OSBPL1A: variants seen among roughly 807,000 people sequenced by gnomAD.
OSBPL1A encodes oxysterol-binding protein-related protein 1.
In OSBPL1A, 80 loss-of-function variants were observed where a neutral mutation model predicts 137.1. That is an observed-to-expected ratio of 0.58 (90% confidence interval 0.49 to 0.70). The LOEUF is 0.70. Ranked by LOEUF, OSBPL1A falls within the 30% of genes least tolerant of loss-of-function variation. The pLI, the probability that OSBPL1A is intolerant of heterozygous loss-of-function variation, is 0.00. For synonymous variants in OSBPL1A, 365 were observed against 389.7 expected (o/e 0.94, Z 0.75); for missense variants, 970 against 1,129.4 (o/e 0.86, Z 2.02).
intron 5 of OSBPL1A, among the ~76,000 whole-genome samples, chr18:24,335,412 G>C (rs1373093201): frequency 6.6e-6 from 1 of 152,178 alleles, no homozygotes; most frequent in African/African-American, 2.4e-5. Context: ...AAGCAGGCTA[G>C]TTCCAGAGTC....
At chr18:24,315,885 T>C (rs540434885) in intron 11 of OSBPL1A, among the ~76,000 whole-genome samples, 1 of 129,206 alleles carries the variant, frequency 7.7e-6, no homozygotes, top group Non-Finnish European at 1.6e-5. Flanking sequence ...TATAATAAAA[T>C]ATATTAAAGA....
In OSBPL1A at chr18:24,170,354, A is replaced by T; in HGVS notation, c.2391T>A (p.Asn797Lys). 6.2e-7 allele frequency: 1 copy of T among 1,613,958 alleles called. No homozygotes were observed. The highest frequency in any genetic ancestry group is 1.3e-5 in the African/African-American group (1 of 74,974). Reference sequence around the variant, plus strand: ...GTTTGCTGTTCTTCTTCTCTTCTGTATTTTTCTTATCATTTTTTTTGTAAG... The same window carrying T: ...GTTTGCTGTTCTTCTTCTCTTCTGTTTTTTTCTTATCATTTTTTTTGTAAG... The part of the protein sequence containing the change: ...FDAYKKNDKK[N>K]TEEKKNSKQM... The change falls in exon 24 of 28, where the codon AAT becomes AAA. Residue 797 changes from asparagine to lysine, a missense_variant. Around this residue, in one of 2 missense-constraint regions of OSBPL1A, gnomAD observed 323 missense variants for 456.8 expected, o/e 0.71. Coordinates refer to ENST00000319481, the MANE Select transcript of OSBPL1A (RefSeq NM_080597.4).
chr18:24,191,554 T>C (rs2086893062), intron 18 of OSBPL1A, among the ~76,000 whole-genome samples: 1 of 152,248 alleles, frequency 6.6e-6, no homozygotes, highest in South Asian at 2.1e-4. Flanking sequence ...TTGTTAATAT[T>C]TTCATAAATT....
chr18:24,267,603 T>G (rs1388749451), intron 15 of OSBPL1A, among the ~76,000 whole-genome samples: 2 of 152,132 alleles, frequency 1.3e-5, no homozygotes, highest in African/African-American at 4.8e-5. Flanking sequence ...TTATTCCAAG[T>G]ACACAAAGAT....
At chr18:24,196,019 T>C (rs957664434) in intron 18 of OSBPL1A, 106 bp downstream of exon 18, 13 of 868,786 alleles carry the variant, frequency 1.5e-5, no homozygotes, top group Non-Finnish European at 2.2e-5. Flanking sequence ...TACGTTCCCA[T>C]AAACGTTGTC....
chr18:24,394,024 G>T (rs1275096680), intron 1 of OSBPL1A, among the ~76,000 whole-genome samples: 1 of 152,110 alleles, frequency 6.6e-6, no homozygotes, highest in Non-Finnish European at 1.5e-5. Context: ...TTTTAATTCA[G>T]TGAAACTTTT....
intron 24 of OSBPL1A, among the ~76,000 whole-genome samples, chr18:24,167,953 G>A (rs1036271955): frequency 4.6e-5 from 7 of 152,112 alleles, no homozygotes; most frequent in Non-Finnish European, 7.4e-5. Flanking sequence ...CTGAATGCCC[G>A]AGTGGGTGCT....
intron 1 of OSBPL1A, among the ~76,000 whole-genome samples, chr18:24,388,264 C>T (rs568819779): frequency 2.6e-5 from 4 of 152,168 alleles, no homozygotes; most frequent in East Asian, 1.9e-4. Context: ...ACAAGTGCCT[C>T]GTGTCTATTC....
rs1209937797 is a variant in OSBPL1A at position 24,225,090 on chromosome 18, T to C, written c.1553A>G (p.Lys518Arg). ...GAGAGCATCTCCGCCACCACAGTCT[T>C]TTTCTTCGGACATTCTGTGTTTTCT... ...GSRKHRMSEE[K>R]DCGGGDALSN... The change falls in exon 17 of 28, where the codon AAA (lysine) becomes AGA (arginine). Residue 518 changes from lysine (K) to arginine (R), a missense_variant. Transcript: ENST00000319481. 6.2e-7 allele frequency: 1 copy of C among 1,614,184 alleles called. No individual in the cohort carries two copies. Among genetic ancestry groups the C allele is most frequent in the South Asian group, 1.1e-5 (1 of 91,086 alleles).
intron 1 of OSBPL1A, among the ~76,000 whole-genome samples, chr18:24,378,132 A>T (rs1377537928): frequency 3.3e-5 from 5 of 152,222 alleles, no homozygotes; most frequent in African/African-American, 9.6e-5. Context: ...GAAAATTACA[A>T]CCAAATTTCA....
In OSBPL1A at chr18:24,225,070, C is replaced by T. The variant is rs1379885764; in HGVS notation, c.1573G>A (p.Ala525Thr). The T allele has an allele frequency of 1.9e-6, 3 of 1,614,178 alleles. No homozygotes were observed. The highest frequency in any genetic ancestry group is 2.5e-6 in the Non-Finnish European group (3 of 1,180,010). Residue 525 changes from alanine (A) to threonine (T), a missense_variant, in exon 17 of 28, where the codon GCT (alanine) becomes ACT (threonine). Transcript: ENST00000319481. ...SEEKDCGGGD[A>T]LSNGIKKHRT... ...TGTTTCTTGATGCCATTGGAGAGAG[C>T]ATCTCCGCCACCACAGTCTTTTTCT...
intron 18 of OSBPL1A, among the ~76,000 whole-genome samples, chr18:24,193,533 ACTC>A (rs1459739111): frequency 3.3e-5 from 5 of 150,696 alleles, no homozygotes; most frequent in African/African-American, 1.2e-4. Flanking sequence ...CTCTCTCAAG[ACTC>A]CTCATTTTTA....
At chr18:24,184,699 T>G (rs1011250034) in intron 18 of OSBPL1A, among the ~76,000 whole-genome samples, 31 of 152,264 alleles carry the variant, frequency 2.0e-4, no homozygotes, top group Admixed American at 4.6e-4. Context: ...GGACACTATC[T>G]TATACCCCAT....
chr18:24,236,680 G>A (rs1254307885), intron 16 of OSBPL1A, among the ~76,000 whole-genome samples: 1 of 152,202 alleles, frequency 6.6e-6, no homozygotes, highest in Non-Finnish European at 1.5e-5. Context: ...ACTTCCTATA[G>A]CCATGGCAGG....
intron 15 of OSBPL1A, among the ~76,000 whole-genome samples, chr18:24,258,776 G>C (rs554669862): frequency 3.8e-4 from 58 of 152,032 alleles, no homozygotes; most frequent in African/African-American, 1.4e-3. Context: ...ATGCTAAATT[G>C]CCTCATAGTG....
rs184224604 is a variant in OSBPL1A, at chr18:24,373,183, G to A, written c.121+4230C>T. On this transcript the variant is annotated intron_variant, in intron 2 of 27. Coordinates refer to ENST00000319481, the MANE Select transcript of OSBPL1A (RefSeq NM_080597.4). ...ACTTATCTAAAAGGATGTGTTCAAT[G>A]AATAAGAAATGTCAAGCTTTGGAGT... 2.2e-4 allele frequency among the ~76,000 whole-genome samples: 33 copies of A among 152,252 alleles called. No individual in the cohort carries two copies. In the East Asian group the frequency reaches 5.4e-3, roughly 25 times the overall value.
intron 15 of OSBPL1A, among the ~76,000 whole-genome samples, chr18:24,259,226 C>T (rs1273753778): frequency 6.6e-6 from 1 of 152,106 alleles, no homozygotes; most frequent in Non-Finnish European, 1.5e-5. Flanking sequence ...ATCTTTTTAA[C>T]TCCGTATTAA....
At chr18:24,257,265 T>C (rs1431079452) in intron 15 of OSBPL1A, among the ~76,000 whole-genome samples, 2 of 152,182 alleles carry the variant, frequency 1.3e-5, no homozygotes, top group Non-Finnish European at 2.9e-5. Context: ...AGCATGGTAC[T>C]GGCATAAAAA....
intron 4 of OSBPL1A, among the ~76,000 whole-genome samples, chr18:24,346,290 A>AT (rs1171029475): frequency 1.3e-5 from 2 of 152,016 alleles, no homozygotes; most frequent in Non-Finnish European, 2.9e-5. Context: ...TGCCCAGATT[A>AT]TTTTTTTTAA....
Sources: allele counts gnomAD v4.1 joint callset (sites outside exome capture counted in the v4.1 genomes callset), GRCh38; gene constraint gnomAD v4.1.1; regional missense constraint gnomAD v4.1.1; transcripts MANE v1.5; gene names NCBI Gene and HGNC (gene_info 2026-07-23, HGNC 2026-07-21).